SSBP2: variants seen among roughly 807,000 people sequenced by gnomAD.
The protein encoded by SSBP2 is single stranded DNA binding protein 2, also known as single-stranded DNA-binding protein 2.
A neutral mutation model predicts 61.8 loss-of-function variants in SSBP2; 17 were observed. The ratio of observed to expected loss-of-function variants is 0.28; its 90% confidence interval spans 0.19 to 0.41. The LOEUF is 0.41. Ranked by LOEUF, SSBP2 falls within the 10% of genes least tolerant of loss-of-function variation. The pLI, the probability that SSBP2 is intolerant of heterozygous loss-of-function variation, is 1.00. For synonymous variants in SSBP2, 139 were observed against 141.3 expected (o/e 0.98, Z 0.12); for missense variants, 310 against 458.7 (o/e 0.68, Z 2.96).
At chr5:81,602,000 A>G (rs773947404) in intron 4 of SSBP2, among the ~76,000 whole-genome samples, 18 of 152,270 alleles carry the variant, frequency 1.2e-4, no homozygotes, top group Non-Finnish European at 2.1e-4. Context: ...TTACTAGTTT[A>G]TAATAATTCT....
chr5:81,454,499 G>A (rs552103608), intron 10 of SSBP2, among the ~76,000 whole-genome samples: 10 of 152,174 alleles, frequency 6.6e-5, no homozygotes, highest in South Asian at 2.1e-4. Flanking sequence ...TGGCCAACAC[G>A]GTGAAACCTT....
intron 2 of SSBP2, among the ~76,000 whole-genome samples, chr5:81,643,115 C>A (rs919282442): frequency 3.3e-5 from 5 of 152,126 alleles, no homozygotes; most frequent in Admixed American, 2.0e-4. Flanking sequence ...AGCAGGAGAT[C>A]AAAAAACAGG....
At chr5:81,613,798 A>G (rs1261345760) in intron 4 of SSBP2, among the ~76,000 whole-genome samples, 1 of 152,196 alleles carries the variant, frequency 6.6e-6, no homozygotes, top group Non-Finnish European at 1.5e-5. Context: ...ACTCTATCCA[A>G]TTCCTCATAT....
Position 81,466,939 on chromosome 5 carries a change from C to T in SSBP2, c.638+35G>A, listed in dbSNP as rs369891185. ...ATTTATATATATAAAATATCATCCA[C>T]GTAATAATGTAGTATATGATATAAC... On this transcript the variant is annotated intron_variant, in intron 9 of 16. Transcript: ENST00000320672. 74 of 1,260,762 alleles carry T rather than the reference C, an allele frequency of 5.9e-5. 1 individual carries two copies. Among genetic ancestry groups the T allele is most frequent in the South Asian group, 2.0e-4 (14 of 70,604 alleles). 78.1% of individuals were successfully genotyped at this position (1,260,762 alleles called of 1,614,324 possible).
chr5:81,568,342 C>A (rs1561548364), intron 4 of SSBP2, among the ~76,000 whole-genome samples: 1 of 152,140 alleles, frequency 6.6e-6, no homozygotes, highest in African/African-American at 2.4e-5. Flanking sequence ...TTTGCATTTT[C>A]CTCATTCTCT....
chr5:81,667,513 T>C (rs1751248092), intron 1 of SSBP2, among the ~76,000 whole-genome samples: 1 of 152,112 alleles, frequency 6.6e-6, no homozygotes, highest in Admixed American at 6.6e-5. Context: ...AAAGCTACTA[T>C]ATGGACTCAT....
intron 5 of SSBP2, among the ~76,000 whole-genome samples, chr5:81,502,444 T>A (rs1026553753): frequency 1.3e-5 from 2 of 152,174 alleles, no homozygotes; most frequent in African/African-American, 4.8e-5. Flanking sequence ...CTTGTTTCCA[T>A]CTATGCTCAC....
intron 4 of SSBP2, among the ~76,000 whole-genome samples, chr5:81,539,330 T>C (rs1220887259): frequency 6.6e-6 from 1 of 152,176 alleles, no homozygotes; most frequent in East Asian, 1.9e-4. Context: ...ACTTGACAGA[T>C]GAGTTGCTTC....
intron 1 of SSBP2, among the ~76,000 whole-genome samples, chr5:81,730,493 G>C (rs1229121579): frequency 1.3e-5 from 2 of 152,198 alleles, no homozygotes; most frequent in Non-Finnish European, 2.9e-5. Context: ...CCAAAGTGCT[G>C]CTATTGCAGG....
At chr5:81,710,969 G>A (rs147316595) in intron 1 of SSBP2, among the ~76,000 whole-genome samples, 79 of 152,068 alleles carry the variant, frequency 5.2e-4, no homozygotes, top group African/African-American at 1.9e-3. Context: ...AATAAATCCT[G>A]AAGAGCCAGG....
Position 81,413,998 on chromosome 5 carries a change from A to C in SSBP2, c.*6506T>G, listed in dbSNP as rs1258085715. 1 of 152,174 alleles carries C rather than the reference A, an allele frequency of 6.6e-6. No individual in the cohort carries two copies. 9.4% of individuals were successfully genotyped at this position (152,174 alleles called of 1,614,324 possible). On this transcript the variant is annotated 3_prime_UTR_variant, in exon 17 of 17. Coordinates refer to ENST00000320672, the MANE Select transcript of SSBP2 (RefSeq NM_012446.5). The stretch of plus-strand genomic sequence containing the variant: ...TGGTGGAAAAAAGAAAGTGGGATTA[A>C]GTGTTAATATTGACTAGGAGTAAGT...
At chr5:81,514,454 A>G (rs1490005584) in intron 4 of SSBP2, among the ~76,000 whole-genome samples, 5 of 152,138 alleles carry the variant, frequency 3.3e-5, no homozygotes, top group African/African-American at 1.2e-4. Flanking sequence ...TCTTTGTAAT[A>G]AAATCAACAT....
At chr5:81,558,231 C>T (rs1162808623) in intron 4 of SSBP2, among the ~76,000 whole-genome samples, 2 of 152,222 alleles carry the variant, frequency 1.3e-5, no homozygotes, top group East Asian at 3.8e-4. Flanking sequence ...ATACCTCTTT[C>T]TCCATACTGT....
At chr5:81,486,963 T>C (rs1766432117) in intron 6 of SSBP2, among the ~76,000 whole-genome samples, 1 of 152,174 alleles carries the variant, frequency 6.6e-6, no homozygotes, top group Admixed American at 6.6e-5. Context: ...ACCAGCAGAT[T>C]GAGACACCTC....
At chr5:81,739,164 CAAAAAAAAAAAAAA>C (rs71000859) in intron 1 of SSBP2, among the ~76,000 whole-genome samples, 10 of 51,100 alleles carry the variant, frequency 2.0e-4, no homozygotes, top group South Asian at 1.6e-3. Flanking sequence ...ACTCCATCTC[CAAAAAAAAAAAAAA>C]AAAAAAAAAA....
rs866821144 is a variant in SSBP2, at chr5:81,750,230, C to T, written c.62+751G>A. On this transcript the variant is annotated intron_variant, in intron 1 of 16. Coordinates refer to ENST00000320672, the MANE Select transcript of SSBP2 (RefSeq NM_012446.5). The stretch of plus-strand genomic sequence containing the variant: ...TCCCAAACTTCGGCGGCGTCTCCGG[C>T]GCCCACCCGCCCCCGCCCCCGCCCC... Among the ~76,000 whole-genome samples, 300 of 148,648 alleles carry T rather than the reference C, an allele frequency of 2.0e-3. 3 individuals carry two copies. The highest frequency in any genetic ancestry group is 7.1e-3 in the Middle Eastern group (2 of 282).
chr5:81,474,469 A>AT, intron 7 of SSBP2, 27 bp downstream of exon 7: 4 of 1,602,606 alleles, frequency 2.5e-6, no homozygotes, highest in Non-Finnish European at 3.4e-6. Flanking sequence ...CTGCACATCA[A>AT]TTTTCCTTTT....
Position 81,542,833 on chromosome 5 carries a change from C to CTCTT in SSBP2, c.283-29117_283-29116insAAGA, listed in dbSNP as rs773857738. Among the ~76,000 whole-genome samples, 425 of 150,084 alleles carry CTCTT rather than the reference C, an allele frequency of 2.8e-3. 3 individuals are homozygous for CTCTT. Among genetic ancestry groups the CTCTT allele is most frequent in the Non-Finnish European group, 3.7e-3 (248 of 67,536 alleles). ...TTTGACAGTTTCTCTCTCTCTCTCT[C>CTCTT]TCTCTCTCTCTCTCTCTCTCCTTTC... On this transcript the variant is annotated intron_variant, in intron 4 of 16. Transcript: ENST00000320672.
At chr5:81,611,770 T>C (rs1745470116) in intron 4 of SSBP2, among the ~76,000 whole-genome samples, 1 of 152,120 alleles carries the variant, frequency 6.6e-6, no homozygotes, top group Non-Finnish European at 1.5e-5. Flanking sequence ...ATATTATTTT[T>C]ACAATAAAAT....
Sources: gnomAD v4.1 joint callset for allele counts (sites outside exome capture counted in the v4.1 genomes callset) on GRCh38, gnomAD v4.1.1 for gene constraint, MANE v1.5 for transcripts, NCBI Gene and HGNC (gene_info 2026-07-23, HGNC 2026-07-21) for gene names.